NRDC: variants seen among roughly 807,000 people sequenced by gnomAD.
NRDC encodes nardilysin.
A neutral mutation model predicts 147.1 loss-of-function variants in NRDC; 54 were observed. That is an observed-to-expected ratio of 0.37 (90% CI 0.29 to 0.46). The LOEUF is 0.46. Among genes scored for constraint, NRDC ranks in the 20% least tolerant of loss-of-function variants. NRDC has a pLI of 1.00. For synonymous variants in NRDC, 440 were observed against 482.1 expected, an observed-to-expected ratio of 0.91 and a Z score of 1.14; for missense variants, 1,082 against 1,370.6, an observed-to-expected ratio of 0.79 and a Z score of 3.33.
At chr1:51,810,169 T>A (rs977206699) in intron 16 of NRDC, 112 bp downstream of exon 16, 2 of 732,534 alleles carry the variant, frequency 2.7e-6, no homozygotes, top group South Asian at 3.9e-5. Context: ...AAAGTGAACT[T>A]TTTAAAAAAT....
At chr1:51,834,804 C>T (rs1272544761) in intron 3 of NRDC, among the ~76,000 whole-genome samples, 1 of 151,820 alleles carries the variant, frequency 6.6e-6, no homozygotes, top group Non-Finnish European at 1.5e-5. Context: ...GATTAAAATT[C>T]AAACAAATTC....
At position 51,825,270 on chromosome 1, in the gene NRDC, T is replaced by C. The variant is rs1349807556; in HGVS notation, c.1036+17A>G. On this transcript the variant is annotated intron_variant, in intron 6 of 30. Coordinates refer to ENST00000352171, the MANE Select transcript of NRDC (RefSeq NM_001101662.2). ...AACTAGAAAATATGAAATAAGATGA[T>C]GTATTTAGTATCTTACCCCAAAAAA... 1.5e-6 allele frequency: 2 copies of C among 1,336,030 alleles called. No homozygotes were observed. Among genetic ancestry groups the C allele is most frequent in the Non-Finnish European group, 2.1e-6 (2 of 944,502 alleles). The allele number at this position is 1,336,030 out of a possible 1,614,324, so 82.8% of individuals were successfully genotyped here.
intron 1 of NRDC, 62 bp downstream of exon 1, chr1:51,878,213 G>A: frequency 2.0e-6 from 3 of 1,522,358 alleles, no homozygotes; most frequent in Middle Eastern, 1.9e-4. Flanking sequence ...AAGAAGTGAC[G>A]GCGGCACCGA....
chr1:51,806,802 A>G lies in NRDC; in HGVS notation c.2102T>C (p.Ile701Thr). 6.2e-7 allele frequency: 1 copy of G among 1,613,382 alleles called. No individual in the cohort carries two copies. Among genetic ancestry groups the G allele is most frequent in the Non-Finnish European group, 8.5e-7 (1 of 1,179,728 alleles). Residue 701 changes from isoleucine to threonine, a missense_variant, in exon 18 of 31, where the codon ATC becomes ACC. This residue lies in a region of NRDC where 635 missense variants were observed against 923.8 expected (regional missense o/e 0.69). Transcript: ENST00000352171. ...LWYKKDNKFK[I>T]PKAYIRFHLI... ...GGAGGGCAACATTTTACCTTTGGGG[A>G]TTTTGAATTTGTTGTCTTTCTTATA...
chr1:51,810,208 A>T, intron 16 of NRDC, 73 bp downstream of exon 16: 5 of 1,207,638 alleles, frequency 4.1e-6, no homozygotes, highest in Non-Finnish European at 5.7e-6. Context: ...AGAACCATTA[A>T]ATTATTAAAG....
At chr1:51,868,073 G>C (rs1410219892) in intron 1 of NRDC, among the ~76,000 whole-genome samples, 1 of 152,178 alleles carries the variant, frequency 6.6e-6, no homozygotes, top group Non-Finnish European at 1.5e-5. Flanking sequence ...CACAACTGGA[G>C]AGTAGAGATA....
At chr1:51,816,181 C>G (rs1276899030) in intron 11 of NRDC, 131 bp downstream of exon 11, 2 of 423,066 alleles carry the variant, frequency 4.7e-6, no homozygotes, top group Non-Finnish European at 8.3e-6. Flanking sequence ...ATTAAAATAA[C>G]TATAATTAAG....
intron 1 of NRDC, among the ~76,000 whole-genome samples, chr1:51,842,745 T>C (rs1681332245): frequency 6.6e-6 from 1 of 152,194 alleles, no homozygotes; most frequent in South Asian, 2.1e-4. Flanking sequence ...ATCCAACTTT[T>C]TTTAAGCAAA....
chr1:51,790,583 A>C lies in NRDC; in HGVS notation c.3118T>G (p.Trp1040Gly), dbSNP rs1557893844. 6.2e-7 allele frequency: 1 copy of C among 1,614,048 alleles called. No homozygotes were observed. Among genetic ancestry groups the C allele is most frequent in the East Asian group, 2.2e-5 (1 of 44,884 alleles). The change falls in exon 29 of 31, where the codon TGG becomes GGG. Residue 1040 changes from tryptophan (W) to glycine (G), a missense_variant. By Grantham distance (184) the Trp-to-Gly change is radical. This residue lies in a region of NRDC where 187 missense variants were observed against 193.6 expected (regional missense o/e 0.97). Transcript: ENST00000352171. ...THLGEEVDRN[W>G]NEVVTQQYLF... ...TACTGCTGTGTAACCACTTCATTCC[A>C]GTTCCTATCCACCTCCTCCCCAAGG...
intron 1 of NRDC, among the ~76,000 whole-genome samples, chr1:51,858,208 G>T (rs113946540): frequency 0.015 from 2,319 of 152,182 alleles, 64 homozygotes; most frequent in African/African-American, 0.053. Context: ...GGCCAGGTGT[G>T]GTGGCTCATG....
intron 3 of NRDC, among the ~76,000 whole-genome samples, chr1:51,835,467 G>GTTTTTT (rs951683379): frequency 1.2e-4 from 14 of 114,610 alleles, no homozygotes; most frequent in African/African-American, 3.2e-4. Context: ...TTTGTTTCTT[G>GTTTTTT]TTTTTTTTTT....
At position 51,791,702 on chromosome 1, in the gene NRDC, A is replaced by T. The variant is rs772871530; in HGVS notation, c.2877-41T>A. 6 of 1,504,268 alleles carry T rather than the reference A, an allele frequency of 4.0e-6. No individual in the cohort carries two copies. The South Asian group carries it at 6.8e-5, about 17-fold the overall frequency. The allele number at this position is 1,504,268 out of a possible 1,614,324, so 93.2% of individuals were successfully genotyped here. ...AAAAGTTATATGAGCTCAGGTGATCATCTGGGCCCTGGCCTTGGAGGCACT... is the reference window on the plus strand; with the variant it reads ...AAAAGTTATATGAGCTCAGGTGATCTTCTGGGCCCTGGCCTTGGAGGCACT... On this transcript the variant is annotated intron_variant, in intron 26 of 30. Transcript: ENST00000352171.
intron 1 of NRDC, among the ~76,000 whole-genome samples, chr1:51,843,063 CAAAAAAAA>C (rs11356852): frequency 2.9e-5 from 2 of 68,002 alleles, no homozygotes; most frequent in African/African-American, 5.9e-5. Flanking sequence ...AAACCTGTCT[CAAAAAAAA>C]AAAAAAAAAA....
chr1:51,811,273 C>T (rs1408242604), intron 15 of NRDC, among the ~76,000 whole-genome samples: 1 of 152,190 alleles, frequency 6.6e-6, no homozygotes, highest in East Asian at 1.9e-4. Flanking sequence ...TTCTTAATCT[C>T]AGCACTATGA....
intron 1 of NRDC, among the ~76,000 whole-genome samples, chr1:51,866,693 CAA>C (rs77465646): frequency 1.1e-4 from 15 of 132,302 alleles, no homozygotes; most frequent in African/African-American, 1.1e-4. Flanking sequence ...AATGTTAAAC[CAA>C]AAAAAAAAAA....
In NRDC at chr1:51,823,795, G is replaced by A. The variant is rs1328355672; in HGVS notation, c.1037-9C>T. 5 of 1,568,180 alleles carry A rather than the reference G, an allele frequency of 3.2e-6. No individual in the cohort carries two copies. Among genetic ancestry groups the A allele is most frequent in the Middle Eastern group, 1.8e-4 (1 of 5,632 alleles). On this transcript the variant is annotated splice_polypyrimidine_tract_variant and intron_variant, in intron 6 of 30. Coordinates refer to ENST00000352171, the MANE Select transcript of NRDC (RefSeq NM_001101662.2). ...GAGCGTCTCAGCATTTCCTATAAAA[G>A]AATGAAAAAAATTATAGATATAACT...
chr1:51,846,062 T>C (rs1046621988), intron 1 of NRDC, among the ~76,000 whole-genome samples: 2 of 151,748 alleles, frequency 1.3e-5, no homozygotes, highest in East Asian at 3.8e-4. Flanking sequence ...TGGTAATGTA[T>C]ATATCTGGGG....
At chr1:51,861,232 G>T (rs1267638876) in intron 1 of NRDC, among the ~76,000 whole-genome samples, 1 of 141,906 alleles carries the variant, frequency 7.0e-6, no homozygotes, top group Non-Finnish European at 1.5e-5. Context: ...TTACAGGCGT[G>T]AGCCACTGCA....
intron 3 of NRDC, among the ~76,000 whole-genome samples, chr1:51,835,879 C>T (rs1680944512): frequency 6.6e-6 from 1 of 152,182 alleles, no homozygotes; most frequent in Non-Finnish European, 1.5e-5. Flanking sequence ...ATCCGTTGGC[C>T]TTAACATAGC....
Sources: allele counts gnomAD v4.1 joint callset (sites outside exome capture counted in the v4.1 genomes callset), GRCh38; gene constraint gnomAD v4.1.1; regional missense constraint gnomAD v4.1.1; transcripts MANE v1.5; gene names NCBI Gene and HGNC (gene_info 2026-07-23, HGNC 2026-07-21).